Variants in TENM4 observed in about 807,000 individuals in gnomAD.
TENM4 encodes teneurin transmembrane protein 4, also known as teneurin-4.
In TENM4, 82 loss-of-function variants were observed where a neutral mutation model predicts 243.3. That is an observed-to-expected ratio of 0.34 (90% CI 0.28 to 0.40). The LOEUF (loss-of-function observed/expected upper bound fraction) is 0.40, where lower values mean the gene tolerates loss of function less well. TENM4 is among the 10% of genes least tolerant of loss of function. The pLI, the probability that TENM4 is intolerant of heterozygous loss-of-function variation, is 1.00. For missense variants in TENM4, 3,138 were observed against 3,673.3 expected (o/e 0.85, Z 3.77); for synonymous variants, 1,412 against 1,456.3 (o/e 0.97, Z 0.69).
intron 20 of TENM4, 84 bp downstream of exon 20, chr11:78,738,367 C>T: frequency 6.6e-7 from 1 of 1,508,588 alleles, no homozygotes; most frequent in Non-Finnish European, 8.9e-7. Context: ...ATCCTCTTTC[C>T]ACATTATCAG....
At chr11:79,312,585 C>T (rs1226281060) in intron 1 of TENM4, among the ~76,000 whole-genome samples, 2 of 152,118 alleles carry the variant, frequency 1.3e-5, no homozygotes, top group African/African-American at 4.8e-5. Context: ...TGCTTGAATC[C>T]AGACCATGTT....
intron 3 of TENM4, among the ~76,000 whole-genome samples, chr11:79,163,993 A>T (rs187952182): frequency 1.1e-3 from 122 of 106,218 alleles, no homozygotes; most frequent in Non-Finnish European, 1.8e-3. Context: ...TATAGTGTAT[A>T]TATAGTATAG....
chr11:79,321,159 A>T, intron 1 of TENM4, among the ~76,000 whole-genome samples: 1 of 152,200 alleles, frequency 6.6e-6, no homozygotes, highest in East Asian at 1.9e-4. Flanking sequence ...ACTCATGAGG[A>T]CAGTGAGGGG....
rs2135857223 is a variant in TENM4, at chr11:78,726,163, T to C, written c.3466A>G (p.Thr1156Ala). 6.2e-7 allele frequency: 1 copy of C among 1,614,004 alleles called. No homozygotes were observed. The highest frequency in any genetic ancestry group is 8.5e-7 in the Non-Finnish European group (1 of 1,179,890). ...PDLILWEKRT[T>A]VLQGYEIDAS... Reference sequence around the variant, plus strand: ...TCAATTTCATAGCCCTGCAGCACTGTTGTTCTTTTTTCCCACAGGATTAGA... The same window carrying C: ...TCAATTTCATAGCCCTGCAGCACTGCTGTTCTTTTTTCCCACAGGATTAGA... The change falls in exon 23 of 34, where the codon ACA becomes GCA. Residue 1156 changes from threonine to alanine, a missense_variant. Physicochemically the swap from Thr to Ala is moderately conservative, Grantham distance 58 (BLOSUM62 0). Around this residue, in one of 2 missense-constraint regions of TENM4, gnomAD observed 2,467 missense variants for 3,059.1 expected, o/e 0.81. Coordinates refer to ENST00000278550, the MANE Select transcript of TENM4 (RefSeq NM_001098816.3).
intron 1 of TENM4, among the ~76,000 whole-genome samples, chr11:79,305,459 G>C (rs191734970): frequency 2.4e-4 from 36 of 152,262 alleles, no homozygotes; most frequent in Non-Finnish European, 4.0e-4. Flanking sequence ...ATCTATAGTG[G>C]GATCCAGTGA....
intron 12 of TENM4, among the ~76,000 whole-genome samples, chr11:78,845,752 C>T (rs1242411750): frequency 6.6e-6 from 1 of 151,664 alleles, no homozygotes; most frequent in African/African-American, 2.4e-5. Flanking sequence ...CGGGAATGAG[C>T]AACTGCCTTT....
At chr11:78,838,601 T>A (rs530401868) in intron 12 of TENM4, among the ~76,000 whole-genome samples, 2 of 141,106 alleles carry the variant, frequency 1.4e-5, no homozygotes, top group African/African-American at 5.1e-5. Flanking sequence ...GAATCAGAGG[T>A]TGAAAATGAA....
At chr11:78,810,513 A>C (rs1857475910) in intron 14 of TENM4, among the ~76,000 whole-genome samples, 1 of 152,118 alleles carries the variant, frequency 6.6e-6, no homozygotes, top group South Asian at 2.1e-4. Context: ...AAGTGACTCG[A>C]ATAAAAAGGG....
intron 8 of TENM4, among the ~76,000 whole-genome samples, chr11:78,890,434 G>T (rs1855636825): frequency 6.6e-6 from 1 of 152,212 alleles, no homozygotes; most frequent in Non-Finnish European, 1.5e-5. Flanking sequence ...GTACCCTGGA[G>T]ATAATGAGAC....
intron 1 of TENM4, among the ~76,000 whole-genome samples, chr11:79,330,192 C>T (rs916890660): frequency 8.5e-5 from 13 of 152,204 alleles, no homozygotes; most frequent in African/African-American, 3.1e-4. Flanking sequence ...ATACAAGCAA[C>T]TCTTGAAGCT....
Position 79,082,595 on chromosome 11 carries a change from G to GCA in TENM4, c.-65-12588_-65-12587dup, listed in dbSNP as rs147085769. Among the ~76,000 whole-genome samples the GCA allele has an allele frequency of 2.3e-4, 35 of 151,944 alleles. No individual in the cohort carries two copies. In the East Asian group the frequency reaches 2.9e-3, roughly 13 times the overall value. On this transcript the variant is annotated intron_variant, in intron 4 of 33. Transcript: ENST00000278550. ...TGCACATATGTGTGCACCCATGTGT[G>GCA]CACACACACACACAGGAATTTAAAA...
At chr11:78,745,956 T>A (rs115641607) in intron 19 of TENM4, among the ~76,000 whole-genome samples, 2,530 of 152,290 alleles carry the variant, frequency 0.017, 75 homozygotes, top group African/African-American at 0.058. Flanking sequence ...ATCTAGTCCC[T>A]TTTTTTATTT....
chr11:79,033,104 A>G lies in TENM4; in HGVS notation c.493+31634T>C, dbSNP rs982450725. Among the ~76,000 whole-genome samples, 6 of 152,202 alleles carry G rather than the reference A, an allele frequency of 3.9e-5. No homozygotes were observed. In the South Asian group the frequency reaches 8.3e-4, roughly 21 times the overall value. Reference sequence around the variant, plus strand: ...TTTTTATCCCCACTCCTCAGGGAAGAACTAAATCTGTACCACTTGATGACC... The same window carrying G: ...TTTTTATCCCCACTCCTCAGGGAAGGACTAAATCTGTACCACTTGATGACC... On this transcript the variant is annotated intron_variant, in intron 6 of 33. Transcript: ENST00000278550.
chr11:78,959,000 A>G (rs753923556), intron 6 of TENM4, among the ~76,000 whole-genome samples: 14 of 152,204 alleles, frequency 9.2e-5, no homozygotes, highest in Non-Finnish European at 1.9e-4. Flanking sequence ...CATTTCACAG[A>G]TGGAGCAACC....
intron 10 of TENM4, among the ~76,000 whole-genome samples, chr11:78,860,987 G>A (rs1234293788): frequency 1.3e-5 from 2 of 152,174 alleles, no homozygotes; most frequent in East Asian, 1.9e-4. Context: ...AGATAGATCC[G>A]ACTCCTGTTT....
At chr11:78,805,250 A>T in intron 15 of TENM4, 42 bp downstream of exon 15, 2 of 34,582 alleles carry the variant, frequency 5.8e-5, no homozygotes, top group Non-Finnish European at 9.2e-5. Context: ...CACAGTGGAA[A>T]TCCCCTCCCT....
In TENM4 at chr11:78,663,521, C is replaced by T. The variant is rs562862550; in HGVS notation, c.7409-1930G>A. On this transcript the variant is annotated intron_variant, in intron 32 of 33. Transcript: ENST00000278550. ...CATGCAAGAGCTGGCTGTTTAAAAG[C>T]GTGTGGCACCCCTCCCTTCTCTCTT... Among the ~76,000 whole-genome samples the T allele has an allele frequency of 3.3e-5, 5 of 152,222 alleles. No homozygotes were observed. The South Asian group carries it at 6.2e-4, about 19-fold the overall frequency.
At chr11:79,082,176 G>A (rs1860692620) in intron 4 of TENM4, among the ~76,000 whole-genome samples, 1 of 152,140 alleles carries the variant, frequency 6.6e-6, no homozygotes, top group East Asian at 1.9e-4. Flanking sequence ...GGTCCTTCTA[G>A]GTGCAAAGCT....
chr11:78,672,946 GC>G (rs1858371470), intron 30 of TENM4, among the ~76,000 whole-genome samples: 1 of 151,932 alleles, frequency 6.6e-6, no homozygotes, highest in Non-Finnish European at 1.5e-5. Context: ...TACAATCAGG[GC>G]TTCTTGATTG....
Sources: gnomAD v4.1 joint callset for allele counts (sites outside exome capture counted in the v4.1 genomes callset) on GRCh38, gnomAD v4.1.1 for gene constraint, gnomAD v4.1.1 regional missense constraint, MANE v1.5 for transcripts, NCBI Gene and HGNC (gene_info 2026-07-23, HGNC 2026-07-21) for gene names.